Variants in IRAG1 observed in about 807,000 individuals in gnomAD.
IRAG1 encodes inositol 1,4,5-triphosphate receptor associated 1.
A neutral mutation model predicts 106.2 loss-of-function variants in IRAG1; 62 were observed. The ratio of observed to expected loss-of-function variants is 0.58; its 90% CI spans 0.48 to 0.72. The LOEUF (loss-of-function observed/expected upper bound fraction) is 0.72. Among genes scored for constraint, IRAG1 ranks in the 30% least tolerant of loss-of-function variants. IRAG1 has a pLI of 0.00. For missense variants in IRAG1, 1,064 were observed against 1,140.7 expected (o/e 0.93, Z 0.97); for synonymous variants, 462 against 443.9 (o/e 1.04, Z -0.51).
chr11:10,676,268 G>A (rs1273367441), intron 1 of IRAG1, among the ~76,000 whole-genome samples: 1 of 152,180 alleles, frequency 6.6e-6, no homozygotes, highest in Non-Finnish European at 1.5e-5. Context: ...GGGAGCTAAC[G>A]GTTTCTCCGT....
chr11:10,675,128 C>T (rs1438745958), intron 1 of IRAG1, among the ~76,000 whole-genome samples: 2 of 152,228 alleles, frequency 1.3e-5, no homozygotes, highest in South Asian at 4.1e-4. Flanking sequence ...TGGCTGTGCA[C>T]CATTTGGAGC....
At chr11:10,592,759 T>C (rs1852820602) in intron 17 of IRAG1, among the ~76,000 whole-genome samples, 5 of 152,288 alleles carry the variant, frequency 3.3e-5, no homozygotes, top group South Asian at 4.1e-4. Context: ...TAAAAAGGCA[T>C]CAGGAAGAAA....
intron 18 of IRAG1, 93 bp from the exon 19 acceptor site, chr11:10,582,079 G>A: frequency 7.0e-7 from 1 of 1,435,702 alleles, no homozygotes. Flanking sequence ...CTGATTAGGA[G>A]TGAGGAAACT....
At chr11:10,602,783 G>A (rs548039627) in intron 14 of IRAG1, among the ~76,000 whole-genome samples, 3 of 152,268 alleles carry the variant, frequency 2.0e-5, no homozygotes, top group East Asian at 1.9e-4. Context: ...AGTTAAATAC[G>A]TTTGGGAACT....
At chr11:10,612,035 G>A (rs1855006422) in intron 10 of IRAG1, among the ~76,000 whole-genome samples, 2 of 152,220 alleles carry the variant, frequency 1.3e-5, no homozygotes, top group Admixed American at 1.3e-4. Flanking sequence ...AAGGAAGGAA[G>A]ACTAACGGTA....
intron 1 of IRAG1, among the ~76,000 whole-genome samples, chr11:10,674,982 C>T (rs532850853): frequency 6.6e-6 from 1 of 152,314 alleles, no homozygotes; most frequent in South Asian, 2.1e-4. Context: ...GGGCTTTGGA[C>T]GCCGTGCACT....
intron 19 of IRAG1, among the ~76,000 whole-genome samples, chr11:10,581,083 A>G (rs1401976246): frequency 6.6e-6 from 1 of 152,226 alleles, no homozygotes; most frequent in Non-Finnish European, 1.5e-5. Flanking sequence ...TTCCAAGGAT[A>G]GAGCACAGTG....
Position 10,651,212 on chromosome 11 carries a change from G to C in IRAG1, c.225+813C>G, listed in dbSNP as rs79664890. On this transcript the variant is annotated intron_variant, in intron 2 of 20. Coordinates refer to ENST00000423302, the MANE Select transcript of IRAG1 (RefSeq NM_130385.4). ...AGATAGAGCTTATCAATTAAGTGAA[G>C]AAAATACGACGAGGATGATGCTCAA... Among the ~76,000 whole-genome samples, 337 of 152,360 alleles carry C rather than the reference G, an allele frequency of 2.2e-3. 2 individuals are homozygous for C. In the East Asian group the frequency reaches 0.029, roughly 13 times the overall value.
chr11:10,600,238 A>G (rs1853835945), intron 15 of IRAG1, among the ~76,000 whole-genome samples: 1 of 152,278 alleles, frequency 6.6e-6, no homozygotes, highest in South Asian at 2.1e-4. Flanking sequence ...GTGCTCCTAT[A>G]GCAATTCGTA....
intron 1 of IRAG1, among the ~76,000 whole-genome samples, chr11:10,677,683 G>A (rs901893124): frequency 2.0e-5 from 3 of 152,146 alleles, no homozygotes; most frequent in Non-Finnish European, 4.4e-5. Context: ...GTGGCATTAA[G>A]CACATTCACA....
intron 2 of IRAG1, among the ~76,000 whole-genome samples, chr11:10,642,439 G>C (rs559983265): frequency 6.6e-5 from 10 of 152,284 alleles, no homozygotes; most frequent in Non-Finnish European, 1.2e-4. Flanking sequence ...AAACTGTAAG[G>C]AACACCCCCA....
intron 1 of IRAG1, among the ~76,000 whole-genome samples, chr11:10,689,657 G>A (rs11042920): frequency 0.23 from 34,774 of 152,054 alleles, 4,132 homozygotes; most frequent in Middle Eastern, 0.31. Flanking sequence ...ATTGTTGCAC[G>A]GCTAAAATGA....
intron 2 of IRAG1, among the ~76,000 whole-genome samples, chr11:10,649,006 T>C (rs939874082): frequency 2.6e-5 from 4 of 152,298 alleles, no homozygotes; most frequent in South Asian, 4.1e-4. Context: ...CTTTGCCTGC[T>C]TCACAGACTG....
chr11:10,581,815 G>A, intron 19 of IRAG1, 52 bp downstream of exon 19: 1 of 1,589,910 alleles, frequency 6.3e-7, no homozygotes, highest in Admixed American at 1.8e-5. Context: ...CCATGGGAAG[G>A]CATCTTCTGA....
intron 1 of IRAG1, among the ~76,000 whole-genome samples, chr11:10,671,338 T>C (rs1860205175): frequency 6.6e-6 from 1 of 152,180 alleles, no homozygotes; most frequent in Admixed American, 6.5e-5. Flanking sequence ...TTCTATACAT[T>C]AGCAATGAAC....
chr11:10,591,705 T>A, intron 17 of IRAG1, 93 bp from the exon 18 acceptor site: 2 of 1,154,628 alleles, frequency 1.7e-6, no homozygotes, highest in Admixed American at 4.0e-5. Flanking sequence ...GGAGCGGGGC[T>A]GCTGCTTCTC....
At chr11:10,680,404 G>GAAAGAAAGAAAGGAAA (rs1554935662) in intron 1 of IRAG1, among the ~76,000 whole-genome samples, 1 of 82,090 alleles carries the variant, frequency 1.2e-5, no homozygotes, top group African/African-American at 5.9e-5. Context: ...AAGGAAGGAA[G>GAAAGAAAGAAAGGAAA]GAAAGAAAGG....
chr11:10,632,956 T>G (rs748133715), intron 3 of IRAG1, among the ~76,000 whole-genome samples: 2 of 152,260 alleles, frequency 1.3e-5, no homozygotes, highest in Non-Finnish European at 2.9e-5. Context: ...GCTTGTATCC[T>G]CCTTTGAACC....
At chr11:10,594,047 T>C (rs1245950992) in intron 16 of IRAG1, 99 bp downstream of exon 16, 6 of 1,137,986 alleles carry the variant, frequency 5.3e-6, no homozygotes, top group Non-Finnish European at 7.6e-6. Context: ...AGAGATTCTC[T>C]GGCATCCATG....
Sources: allele counts gnomAD v4.1 joint callset (sites outside exome capture counted in the v4.1 genomes callset), GRCh38; gene constraint gnomAD v4.1.1; transcripts MANE v1.5; gene names NCBI Gene and HGNC (gene_info 2026-07-23, HGNC 2026-07-21).